Variants in PTK2B observed in about 807,000 individuals in gnomAD.
PTK2B encodes the protein protein tyrosine kinase 2 beta, also known as protein-tyrosine kinase 2-beta.
A neutral mutation model predicts 142.9 loss-of-function variants in PTK2B; 71 were observed. The ratio of observed to expected loss-of-function variants is 0.50; its 90% CI spans 0.41 to 0.61. The LOEUF (loss-of-function observed/expected upper bound fraction) is 0.61, where lower values mean the gene tolerates loss of function less well. Ranked by LOEUF, PTK2B falls within the 20% of genes least tolerant of loss-of-function variation. The pLI is 0.00. For missense variants in PTK2B, 1,105 were observed against 1,320.4 expected (o/e 0.84, Z 2.53); for synonymous variants, 519 against 503.4 (o/e 1.03, Z -0.42).
At chr8:27,375,171 G>C (rs902891421) in intron 1 of PTK2B, among the ~76,000 whole-genome samples, 3 of 152,212 alleles carry the variant, frequency 2.0e-5, no homozygotes, top group Non-Finnish European at 4.4e-5. Context: ...CATGGGCTCA[G>C]GAGTGCCAAG....
chr8:27,391,560 T>C (rs115623264), intron 1 of PTK2B, among the ~76,000 whole-genome samples: 2,549 of 152,306 alleles, frequency 0.017, 28 homozygotes, highest in Middle Eastern at 0.051. Context: ...TTTCCTGTGA[T>C]ATTTATTCCT....
intron 1 of PTK2B, among the ~76,000 whole-genome samples, chr8:27,352,051 C>T (rs1805126040): frequency 1.3e-5 from 2 of 152,204 alleles, no homozygotes; most frequent in African/African-American, 4.8e-5. Flanking sequence ...CTGACAGCAG[C>T]GGCTCTGCTG....
At chr8:27,361,947 C>T (rs921471817) in intron 1 of PTK2B, among the ~76,000 whole-genome samples, 2 of 152,154 alleles carry the variant, frequency 1.3e-5, no homozygotes, top group Non-Finnish European at 2.9e-5. Flanking sequence ...AGCCCTGCCC[C>T]GTGTGCCAGA....
Position 27,430,361 on chromosome 8 carries a change from C to G in PTK2B, c.615-3C>G. On this transcript the variant is annotated splice_region_variant and splice_polypyrimidine_tract_variant and intron_variant, in intron 6 of 30. Coordinates refer to ENST00000346049, the MANE Select transcript of PTK2B (RefSeq NM_173176.3). ...CATGCTGCCTTTTTCTTCCTTCTTG[C>G]AGAAAGGAAGTGGGGCTGGACTTGT... is the stretch of plus-strand genomic sequence containing the variant. The G allele has an allele frequency of 1.2e-6, 2 of 1,614,052 alleles. No individual in the cohort carries two copies. Among genetic ancestry groups the G allele is most frequent in the Non-Finnish European group, 1.7e-6 (2 of 1,180,018 alleles).
chr8:27,324,037 T>C (rs1803292615), upstream of PTK2B, among the ~76,000 whole-genome samples: 1 of 152,200 alleles, frequency 6.6e-6, no homozygotes, highest in Non-Finnish European at 1.5e-5. Context: ...CTAACTTTTG[T>C]GCCACTCAGC....
In PTK2B at chr8:27,320,001, G is replaced by C. The variant is rs953685615; in HGVS notation, c.-413-2401G>C. Among the ~76,000 whole-genome samples, 9 of 152,292 alleles carry C rather than the reference G, an allele frequency of 5.9e-5. No individual in the cohort carries two copies. In the Middle Eastern group the frequency reaches 0.01, roughly 173 times the overall value. On this transcript the variant is annotated intron_variant, in intron 3 of 35. Transcript: ENST00000397501. ...ACACCAGCTGGTGAGACAGCCGGGT[G>C]GGAAGGGTCCCCAGAGAAACTCTAG...
At chr8:27,450,408 A>G (rs1811726011) in intron 24 of PTK2B, among the ~76,000 whole-genome samples, 1 of 152,236 alleles carries the variant, frequency 6.6e-6, no homozygotes, top group South Asian at 2.1e-4. Context: ...TCTTTTTAAA[A>G]TATATTAAAT....
intron 5 of PTK2B, among the ~76,000 whole-genome samples, chr8:27,424,851 TAGATATA>T (rs1271110990): frequency 6.9e-6 from 1 of 144,660 alleles, no homozygotes; most frequent in Admixed American, 7.0e-5. Context: ...CACCTGCCTA[TAGATATA>T]CAACATCTCC....
At chr8:27,453,655 G>A (rs1175685692) in intron 28 of PTK2B, among the ~76,000 whole-genome samples, 1 of 152,216 alleles carries the variant, frequency 6.6e-6, no homozygotes, top group Non-Finnish European at 1.5e-5. Context: ...CACAGCAGGA[G>A]GATCGCTTGA....
chr8:27,352,510 C>G (rs551920650), intron 1 of PTK2B, among the ~76,000 whole-genome samples: 2 of 152,210 alleles, frequency 1.3e-5, no homozygotes, highest in African/African-American at 2.4e-5. Context: ...CACTTGTAAA[C>G]TTCTTTTTGC....
chr8:27,364,580 T>A (rs930863895), intron 1 of PTK2B, among the ~76,000 whole-genome samples: 1 of 152,218 alleles, frequency 6.6e-6, no homozygotes, highest in African/African-American at 2.4e-5. Context: ...CGCTCAGTAC[T>A]GCAGGGACTG....
intron 1 of PTK2B, among the ~76,000 whole-genome samples, chr8:27,384,209 T>C (rs1807207684): frequency 6.6e-6 from 1 of 151,946 alleles, no homozygotes; most frequent in South Asian, 2.1e-4. Context: ...TTGTGCAGGC[T>C]GGTCTCAAAC....
intron 1 of PTK2B, among the ~76,000 whole-genome samples, chr8:27,332,044 A>G (rs954917852): frequency 2.0e-5 from 3 of 152,258 alleles, no homozygotes; most frequent in African/African-American, 4.8e-5. Flanking sequence ...TCCGCTATTT[A>G]GGCAGATGTT....
At chr8:27,351,897 A>G (rs912141335) in intron 1 of PTK2B, among the ~76,000 whole-genome samples, 1 of 152,198 alleles carries the variant, frequency 6.6e-6, no homozygotes, top group Non-Finnish European at 1.5e-5. Flanking sequence ...CACTGGAGGG[A>G]AAGAGAAACT....
intron 1 of PTK2B, among the ~76,000 whole-genome samples, chr8:27,354,358 G>A (rs186125783): frequency 6.2e-4 from 95 of 152,224 alleles, no homozygotes; most frequent in Middle Eastern, 3.4e-3. Context: ...AGGCCAGGAC[G>A]GGGAGGAAGA....
chr8:27,318,015 C>T (rs1322927328), intron 3 of PTK2B, among the ~76,000 whole-genome samples: 1 of 152,058 alleles, frequency 6.6e-6, no homozygotes, highest in Non-Finnish European at 1.5e-5. Flanking sequence ...TTCTCTAAAG[C>T]ATGCAGAACG....
At chr8:27,368,640 C>T (rs986094082) in intron 1 of PTK2B, among the ~76,000 whole-genome samples, 1 of 152,258 alleles carries the variant, frequency 6.6e-6, no homozygotes, top group Admixed American at 6.5e-5. Context: ...AACACAGACA[C>T]TTAGCAAACC....
chr8:27,355,914 T>C (rs989143066), intron 1 of PTK2B, among the ~76,000 whole-genome samples: 4 of 151,886 alleles, frequency 2.6e-5, no homozygotes, highest in African/African-American at 9.7e-5. Flanking sequence ...TCTCAGCTAC[T>C]TGGGAGGCTG....
At chr8:27,328,405 C>A (rs1803542763) in intron 1 of PTK2B, among the ~76,000 whole-genome samples, 1 of 152,130 alleles carries the variant, frequency 6.6e-6, no homozygotes, top group South Asian at 2.1e-4. Context: ...AAATTAGGGT[C>A]CTCCTAAAAG....
Sources: allele counts gnomAD v4.1 joint callset (sites outside exome capture counted in the v4.1 genomes callset), GRCh38; gene constraint gnomAD v4.1.1; transcripts MANE v1.5; gene names NCBI Gene and HGNC (gene_info 2026-07-23, HGNC 2026-07-21).